CEP112: variants seen among roughly 807,000 people sequenced by gnomAD.
The protein encoded by CEP112 is centrosomal protein 112, also known as centrosomal protein of 112 kDa.
A neutral mutation model predicts 153.0 loss-of-function variants in CEP112; 127 were observed. The ratio of observed to expected loss-of-function variants is 0.83; its 90% confidence interval spans 0.72 to 0.96. CEP112 has a LOEUF of 0.96. Ranked by LOEUF, CEP112 falls within the 40% of genes least tolerant of loss-of-function variation. The pLI is 0.00. For missense variants in CEP112, 1,089 were observed against 1,101.2 expected, an observed-to-expected ratio of 0.99 and a Z score of 0.16; for synonymous variants, 358 against 374.4, an observed-to-expected ratio of 0.96 and a Z score of 0.51.
intron 20 of CEP112, among the ~76,000 whole-genome samples, chr17:65,856,018 C>G (rs2058108776): frequency 1.3e-5 from 2 of 152,186 alleles, no homozygotes; most frequent in South Asian, 4.1e-4. Context: ...TGGTCATACC[C>G]TGTACTCCGG....
intron 21 of CEP112, chr17:65,826,073 G>A: frequency 5.3e-6 from 8 of 1,519,622 alleles, no homozygotes; most frequent in Non-Finnish European, 7.3e-6. Flanking sequence ...ACTCAGCTCA[G>A]CAATGAGATT....
chr17:66,126,580 T>C (rs1232721201), intron 6 of CEP112, among the ~76,000 whole-genome samples: 1 of 152,034 alleles, frequency 6.6e-6, no homozygotes, highest in Non-Finnish European at 1.5e-5. Context: ...AAAAACTAAA[T>C]GTTGAAAAGT....
At chr17:65,709,525 G>A (rs977606167) in intron 23 of CEP112, among the ~76,000 whole-genome samples, 5 of 152,166 alleles carry the variant, frequency 3.3e-5, no homozygotes, top group Non-Finnish European at 7.3e-5. Context: ...CATGAGAACC[G>A]TATGGGGGAA....
chr17:65,765,787 C>T (rs2052928884), intron 21 of CEP112, among the ~76,000 whole-genome samples: 1 of 152,072 alleles, frequency 6.6e-6, no homozygotes. Flanking sequence ...TTGACCACTG[C>T]ATCTATCCAG....
intron 25 of CEP112, 42 bp downstream of exon 25, chr17:65,640,922 A>AACT (rs2045097336): frequency 1.9e-6 from 2 of 1,060,232 alleles, no homozygotes; most frequent in Non-Finnish European, 2.9e-6. Context: ...TTTTCAGAGT[A>AACT]TCCCCTAAAT....
intron 24 of CEP112, among the ~76,000 whole-genome samples, chr17:65,651,336 T>C (rs59359460): frequency 7.2e-5 from 11 of 152,350 alleles, no homozygotes; most frequent in Middle Eastern, 3.4e-3. Context: ...CACTCATTGA[T>C]TGATGGACAT....
intron 23 of CEP112, among the ~76,000 whole-genome samples, chr17:65,723,601 G>T (rs1252976561): frequency 6.6e-6 from 1 of 152,114 alleles, no homozygotes; most frequent in Non-Finnish European, 1.5e-5. Context: ...GAATATAAAA[G>T]ATGGGAAAAA....
At chr17:65,970,148 A>T (rs117911299) in intron 17 of CEP112, among the ~76,000 whole-genome samples, 1,850 of 152,250 alleles carry the variant, frequency 0.012, 17 homozygotes, top group Non-Finnish European at 0.017. Flanking sequence ...TGTATTTTGC[A>T]TGTGTATAGC....
At chr17:65,900,673 C>T (rs1457008121) in intron 20 of CEP112, among the ~76,000 whole-genome samples, 2 of 152,124 alleles carry the variant, frequency 1.3e-5, no homozygotes, top group Non-Finnish European at 2.9e-5. Context: ...GAACCCATAT[C>T]TCTTACCATG....
At chr17:65,814,903 T>G (rs1056202368) in intron 21 of CEP112, among the ~76,000 whole-genome samples, 2 of 152,170 alleles carry the variant, frequency 1.3e-5, no homozygotes, top group African/African-American at 4.8e-5. Context: ...TTCTTCTTAT[T>G]GAGTTCTTTA....
intron 4 of CEP112, among the ~76,000 whole-genome samples, chr17:66,150,683 T>C (rs1371728744): frequency 6.6e-6 from 1 of 152,258 alleles, no homozygotes; most frequent in Non-Finnish European, 1.5e-5. Flanking sequence ...TGGGGTATTT[T>C]ATAAATGTCA....
intron 21 of CEP112, among the ~76,000 whole-genome samples, chr17:65,814,494 C>T (rs908046568): frequency 3.9e-5 from 6 of 152,164 alleles, no homozygotes; most frequent in African/African-American, 1.4e-4. Context: ...ACTTAATTTA[C>T]AGAGATGTAG....
intron 20 of CEP112, among the ~76,000 whole-genome samples, chr17:65,865,501 C>T (rs2058454197): frequency 2.6e-5 from 4 of 152,234 alleles, no homozygotes; most frequent in Admixed American, 2.6e-4. Flanking sequence ...CCGTCCAGAT[C>T]CCCAAGGCAA....
chr17:65,757,490 T>C (rs1829829036), intron 21 of CEP112, among the ~76,000 whole-genome samples: 1 of 152,166 alleles, frequency 6.6e-6, no homozygotes, highest in Non-Finnish European at 1.5e-5. Context: ...AGAAATCCAG[T>C]ATGAGTCCCA....
chr17:65,951,518 T>C (rs2061827367), intron 18 of CEP112, among the ~76,000 whole-genome samples: 1 of 152,142 alleles, frequency 6.6e-6, no homozygotes, highest in Admixed American at 6.6e-5. Flanking sequence ...ACAAAGTTTT[T>C]AGTAATATCA....
intron 6 of CEP112, among the ~76,000 whole-genome samples, chr17:66,129,083 G>C (rs920511685): frequency 6.6e-6 from 1 of 151,822 alleles, no homozygotes; most frequent in Non-Finnish European, 1.5e-5. Context: ...TTTATGTAAA[G>C]TGAAATGAGA....
rs923152032 is a variant in CEP112 at position 65,826,070 on chromosome 17, T to A, written c.2394+25734A>T. ...ATGAATTACCAATGCCTAACTCAGC[T>A]CAGCAATGAGATTTATTTTTTCAGC... On this transcript the variant is annotated intron_variant, in intron 21 of 26. Coordinates refer to ENST00000535342, the MANE Select transcript of CEP112 (RefSeq NM_001199165.4). 1.8e-5 allele frequency: 27 copies of A among 1,511,868 alleles called. No homozygotes were observed. In the African/African-American group the frequency reaches 3.2e-4, roughly 18 times the overall value. 93.7% of individuals were successfully genotyped at this position (1,511,868 alleles called of 1,614,324 possible).
chr17:65,813,274 A>G (rs947685288), intron 21 of CEP112, among the ~76,000 whole-genome samples: 2 of 152,210 alleles, frequency 1.3e-5, no homozygotes, highest in African/African-American at 4.8e-5. Context: ...AGATCAGTCA[A>G]GTACCAAATA....
In CEP112 at chr17:65,913,492, A is replaced by C. The variant is rs545912781; in HGVS notation, c.1981-11158T>G. ...TAGAAATAGGCACAAAAAAATTGTA[A>C]AAAGCAGGCAGTGTGTCAAGAACAG... is the stretch of plus-strand genomic sequence containing the variant. On this transcript the variant is annotated intron_variant, in intron 19 of 26. Transcript: ENST00000535342. The C allele has an allele frequency of 3.9e-5, 38 of 985,370 alleles. No individual in the cohort carries two copies. The African/African-American group carries it at 6.6e-4, about 17-fold the overall frequency. The allele number at this position is 985,370 out of a possible 1,614,324, so 61.0% of individuals were successfully genotyped here.
Sources: gnomAD v4.1 joint callset for allele counts (sites outside exome capture counted in the v4.1 genomes callset) on GRCh38, gnomAD v4.1.1 for gene constraint, MANE v1.5 for transcripts, NCBI Gene and HGNC (gene_info 2026-07-23, HGNC 2026-07-21) for gene names.